Variants in TACR3 observed in about 807,000 individuals in gnomAD.
TACR3 encodes neuromedin-K receptor.
A neutral mutation model predicts 35.0 loss-of-function variants in TACR3; 34 were observed. The ratio of observed to expected loss-of-function variants is 0.97; its 90% confidence interval spans 0.74 to 1.30. The LOEUF is 1.30. Among genes scored for constraint, TACR3 ranks in the 50% most tolerant of loss-of-function variants. The probability of loss-of-function intolerance (pLI) is 0.00; values close to 1 mark genes in which losing one functional copy is unlikely to be tolerated. For missense variants in TACR3, 558 were observed against 591.7 expected, an observed-to-expected ratio of 0.94 and a Z score of 0.59; for synonymous variants, 233 against 221.1, an observed-to-expected ratio of 1.05 and a Z score of -0.48.
Position 103,589,150 on chromosome 4 carries a change from A to G in TACR3, c.*532T>C, listed in dbSNP as rs1723837163. ...ACATTCTACAAAATGAGTTTTCTTG[A>G]GCAAAGATTTTCAGTTCCTACTTCT... On this transcript the variant is annotated 3_prime_UTR_variant, in exon 5 of 5. Transcript: ENST00000304883. 6.6e-6 allele frequency: 1 copy of G among 152,534 alleles called. No individual in the cohort carries two copies. The highest frequency in any genetic ancestry group is 2.1e-4 in the South Asian group (1 of 4,854). 9.4% of individuals were successfully genotyped at this position (152,534 alleles called of 1,614,324 possible). A position where few individuals can be genotyped will look rare whatever the true frequency, so the allele number is the denominator to read the frequency against.
intron 3 of TACR3, among the ~76,000 whole-genome samples, chr4:103,618,564 CTTTTTTTTTTTTTTTT>C (rs57837921): frequency 4.9e-5 from 3 of 61,452 alleles, no homozygotes; most frequent in East Asian, 1.2e-3. Context: ...GTGACTTGGG[CTTTTTTTTTTTTTTTT>C]TTTTTTTTTT....
chr4:103,596,040 G>A lies in TACR3; in HGVS notation c.889-4357C>T, dbSNP rs1724007272. Among the ~76,000 whole-genome samples, 2 of 150,952 alleles carry A rather than the reference G, an allele frequency of 1.3e-5. 1 individual carries two copies. Among genetic ancestry groups the A allele is most frequent in the South Asian group, 4.2e-4 (2 of 4,756 alleles). ...CTTGTGATAGTTTACTGAGAATGATGATTTCCAATTTCATCCATGTCCCTA... is the reference window on the plus strand; with the variant it reads ...CTTGTGATAGTTTACTGAGAATGATAATTTCCAATTTCATCCATGTCCCTA... On this transcript the variant is annotated intron_variant, in intron 3 of 4. Coordinates refer to ENST00000304883, the MANE Select transcript of TACR3 (RefSeq NM_001059.3).
chr4:103,666,849 C>T (rs1228638824), intron 1 of TACR3, among the ~76,000 whole-genome samples: 3 of 152,154 alleles, frequency 2.0e-5, no homozygotes, highest in Non-Finnish European at 4.4e-5. Flanking sequence ...CTTTTGAAGT[C>T]CAGTTTACTG....
chr4:103,606,823 G>T (rs145433230), intron 3 of TACR3, among the ~76,000 whole-genome samples: 3,400 of 151,972 alleles, frequency 0.022, 63 homozygotes, highest in Admixed American at 0.034. Flanking sequence ...TTCCTTCTCC[G>T]GCCTAATTGC....
At chr4:103,701,450 A>C (rs1278265338) in intron 1 of TACR3, among the ~76,000 whole-genome samples, 1 of 152,092 alleles carries the variant, frequency 6.6e-6, no homozygotes, top group African/African-American at 2.4e-5. Context: ...GGAAGAATCA[A>C]TATTGTGAAA....
intron 3 of TACR3, among the ~76,000 whole-genome samples, chr4:103,594,802 C>T (rs537587690): frequency 1.2e-4 from 18 of 152,112 alleles, no homozygotes; most frequent in East Asian, 3.9e-4. Context: ...GAACTTCTTG[C>T]GAAAGATTTA....
At position 103,621,485 on chromosome 4, in the gene TACR3, T is replaced by C. The variant is rs778680615; in HGVS notation, c.889-29802A>G. On this transcript the variant is annotated intron_variant, in intron 3 of 4. Transcript: ENST00000304883. ...GAATGGACTTCATTTGAGTGGAATA[T>C]AAGATAGGCAGGAGGCTTTTTATAA... 1.2e-3 allele frequency among the ~76,000 whole-genome samples: 177 copies of C among 152,292 alleles called. 6 individuals carry two copies. The highest frequency in any genetic ancestry group is 1.3e-4 in the Non-Finnish European group (9 of 68,022).
At chr4:103,610,714 C>A (rs1314005614) in intron 3 of TACR3, among the ~76,000 whole-genome samples, 1 of 152,120 alleles carries the variant, frequency 6.6e-6, no homozygotes, top group Non-Finnish European at 1.5e-5. Flanking sequence ...AGATCAATGT[C>A]ATAAAGCATT....
chr4:103,697,553 T>A (rs1293565702), intron 1 of TACR3, among the ~76,000 whole-genome samples: 1 of 151,710 alleles, frequency 6.6e-6, no homozygotes, highest in African/African-American at 2.4e-5. Context: ...GCCTCCGGAG[T>A]AACTGGGACT....
At position 103,712,462 on chromosome 4, in the gene TACR3, C is replaced by T. The variant is rs1184416882; in HGVS notation, c.548+6666G>A. 6.6e-5 allele frequency among the ~76,000 whole-genome samples: 10 copies of T among 152,250 alleles called. No individual in the cohort carries two copies. In the South Asian group the frequency reaches 2.1e-3, roughly 32 times the overall value. On this transcript the variant is annotated intron_variant, in intron 1 of 4. Coordinates refer to ENST00000304883, the MANE Select transcript of TACR3 (RefSeq NM_001059.3). ...CTGGATCCCTTCCTTACACCTTATACAAAAATTAATTCAAGATGGATTAAA... is the reference window on the plus strand; with the variant it reads ...CTGGATCCCTTCCTTACACCTTATATAAAAATTAATTCAAGATGGATTAAA...
At chr4:103,673,672 T>C (rs950421586) in intron 1 of TACR3, among the ~76,000 whole-genome samples, 1 of 151,936 alleles carries the variant, frequency 6.6e-6, no homozygotes, top group Admixed American at 6.6e-5. Context: ...TGACACATGC[T>C]ACCAGCAAAA....
At chr4:103,708,020 G>A (rs1722838039) in intron 1 of TACR3, among the ~76,000 whole-genome samples, 1 of 152,188 alleles carries the variant, frequency 6.6e-6, no homozygotes, top group Non-Finnish European at 1.5e-5. Flanking sequence ...GAACTGGGTG[G>A]AGCCCACTGC....
At chr4:103,656,592 A>G (rs575820300) in intron 2 of TACR3, among the ~76,000 whole-genome samples, 1 of 152,104 alleles carries the variant, frequency 6.6e-6, no homozygotes, top group Non-Finnish European at 1.5e-5. Flanking sequence ...TGAAGGGCTC[A>G]GTTAAACATA....
intron 1 of TACR3, among the ~76,000 whole-genome samples, chr4:103,682,677 C>CAGTT (rs1396994066): frequency 1.3e-5 from 2 of 152,100 alleles, no homozygotes; most frequent in Non-Finnish European, 2.9e-5. Flanking sequence ...CCTGCAAAAA[C>CAGTT]AGTTAATATC....
intron 3 of TACR3, among the ~76,000 whole-genome samples, chr4:103,648,702 G>A (rs946713539): frequency 6.6e-6 from 1 of 152,078 alleles, no homozygotes; most frequent in African/African-American, 2.4e-5. Flanking sequence ...GGACATTTAG[G>A]TTGCTTCCAA....
At chr4:103,694,981 G>C (rs1292280721) in intron 1 of TACR3, among the ~76,000 whole-genome samples, 1 of 151,878 alleles carries the variant, frequency 6.6e-6, no homozygotes, top group Non-Finnish European at 1.5e-5. Context: ...TAATGTTATA[G>C]TATTTTCCTA....
chr4:103,696,886 T>C (rs1462843434), intron 1 of TACR3, among the ~76,000 whole-genome samples: 1 of 152,202 alleles, frequency 6.6e-6, no homozygotes, highest in African/African-American at 2.4e-5. Flanking sequence ...ACTTTCATCT[T>C]TGCTGACCAG....
At chr4:103,622,332 T>C (rs1036195815) in intron 3 of TACR3, among the ~76,000 whole-genome samples, 1 of 152,204 alleles carries the variant, frequency 6.6e-6, no homozygotes, top group Non-Finnish European at 1.5e-5. Flanking sequence ...AAATAGGTCA[T>C]GGTTCAGAAG....
chr4:103,689,619 G>A (rs867655253), intron 1 of TACR3, among the ~76,000 whole-genome samples: 1 of 151,880 alleles, frequency 6.6e-6, no homozygotes, highest in Non-Finnish European at 1.5e-5. Flanking sequence ...TAGAACAATA[G>A]AGATTTTTCA....
Sources: gnomAD v4.1 joint callset for allele counts (sites outside exome capture counted in the v4.1 genomes callset) on GRCh38, gnomAD v4.1.1 for gene constraint, MANE v1.5 for transcripts, NCBI Gene and HGNC (gene_info 2026-07-23, HGNC 2026-07-21) for gene names.